The following STYXL1 variants were observed in gnomAD, a reference collection of about 807,000 sequenced individuals.
The protein encoded by STYXL1 is serine/threonine/tyrosine interacting like 1, also known as serine/threonine/tyrosine-interacting-like protein 1.
In STYXL1, 32 loss-of-function variants were observed where a neutral mutation model predicts 36.4. The observed-to-expected ratio is 0.88, with a 90% CI of 0.66 to 1.18. STYXL1 has a LOEUF of 1.18. Among genes scored for constraint, STYXL1 ranks in the 50% most tolerant of loss-of-function variants. The probability of loss-of-function intolerance (pLI) is 0.00; values close to 1 mark genes in which losing one functional copy is unlikely to be tolerated. For synonymous variants in STYXL1, 133 were observed against 144.1 expected (o/e 0.92, Z 0.55); for missense variants, 354 against 394.1 (o/e 0.90, Z 0.86).
At chr7:76,031,730 T>A (rs60371757) in intron 1 of STYXL1, among the ~76,000 whole-genome samples, 23,328 of 141,236 alleles carry the variant, frequency 0.17, 2,308 homozygotes, top group East Asian at 0.29. Context: ...AAAAAAAAAA[T>A]GTGTAGTGAA....
chr7:76,003,975 T>C (rs781799415), intron 6 of STYXL1, 120 bp from the exon 7 acceptor site: 12 of 811,318 alleles, frequency 1.5e-5, no homozygotes, highest in East Asian at 5.4e-5. Flanking sequence ...TAAGGGGGAA[T>C]GTGCACAGGT....
intron 1 of STYXL1, among the ~76,000 whole-genome samples, chr7:76,042,712 G>T (rs1204220507): frequency 6.6e-6 from 1 of 151,944 alleles, no homozygotes; most frequent in Non-Finnish European, 1.5e-5. Context: ...CGGCCCTTAT[G>T]TGCTTTTCTC....
intron 4 of STYXL1, among the ~76,000 whole-genome samples, chr7:76,016,340 A>G (rs1273481870): frequency 1.3e-5 from 2 of 151,472 alleles, no homozygotes; most frequent in Non-Finnish European, 2.9e-5. Flanking sequence ...GTGTGTATAT[A>G]TACACGTATA....
At chr7:76,008,826 T>C (rs1489592916) in intron 5 of STYXL1, among the ~76,000 whole-genome samples, 1 of 152,024 alleles carries the variant, frequency 6.6e-6, no homozygotes, top group African/African-American at 2.4e-5. Context: ...GCCAACATAG[T>C]GAAACCCCAT....
rs150880228 is a variant in STYXL1, at chr7:76,016,358, G to A, written c.308-2471C>T. 1.8e-3 allele frequency among the ~76,000 whole-genome samples: 264 copies of A among 148,198 alleles called. 2 individuals are homozygous for A. The highest frequency in any genetic ancestry group is 0.014 in the Middle Eastern group (4 of 284). On this transcript the variant is annotated intron_variant, in intron 4 of 8. Transcript: ENST00000359697. The stretch of plus-strand genomic sequence containing the variant: ...TGTATATATACACGTATATCTATAC[G>A]TATGTGTGCACATATATAGCGTATA...
chr7:76,016,025 A>C (rs148332652), intron 4 of STYXL1, among the ~76,000 whole-genome samples: 1,564 of 152,216 alleles, frequency 0.01, 10 homozygotes, highest in Non-Finnish European at 0.017. Flanking sequence ...CAGACAGCCT[A>C]TTGTGGGACC....
At chr7:76,004,947 G>A (rs1189538828) in intron 6 of STYXL1, among the ~76,000 whole-genome samples, 2 of 152,140 alleles carry the variant, frequency 1.3e-5, no homozygotes, top group Non-Finnish European at 2.9e-5. Flanking sequence ...CTTGCAGTGA[G>A]CCGAGATTGT....
intron 5 of STYXL1, among the ~76,000 whole-genome samples, chr7:76,012,211 A>G (rs1554572401): frequency 6.6e-6 from 1 of 152,094 alleles, no homozygotes; most frequent in African/African-American, 2.4e-5. Flanking sequence ...AGATCAAGCA[A>G]TCCTCCTGCC....
intron 1 of STYXL1, among the ~76,000 whole-genome samples, chr7:76,040,105 G>A (rs1554581848): frequency 6.6e-6 from 1 of 152,156 alleles, no homozygotes; most frequent in African/African-American, 2.4e-5. Flanking sequence ...TAGTGGTCCT[G>A]TAAGGGTAAC....
At chr7:76,045,859 A>G (rs1454055722) in intron 1 of STYXL1, 1 of 152,146 alleles carries the variant, frequency 6.6e-6, no homozygotes, top group East Asian at 1.9e-4. Context: ...AGGCCCTTTC[A>G]GCCCAGTCGC....
In STYXL1 at chr7:76,041,873, G is replaced by A. The variant is rs535065210; in HGVS notation, c.-5+5789C>T. Among the ~76,000 whole-genome samples, 38 of 152,352 alleles carry A rather than the reference G, an allele frequency of 2.5e-4. No individual in the cohort carries two copies. In the South Asian group the frequency reaches 6.8e-3, roughly 27 times the overall value. The stretch of plus-strand genomic sequence containing the variant: ...TTGGCAGATGAATGGAAAGGAGCAT[G>A]AGAGAACTTTCTGGAATAATGGCAA... On this transcript the variant is annotated intron_variant, in intron 1 of 8. Coordinates refer to ENST00000359697, the MANE Select transcript of STYXL1 (RefSeq NM_001317785.2).
At chr7:76,046,026 C>T (rs1423348485) in intron 1 of STYXL1, 1 of 152,172 alleles carries the variant, frequency 6.6e-6, no homozygotes, top group Non-Finnish European at 1.5e-5. Flanking sequence ...CCTAATGTCC[C>T]CACTCCAAAA....
intron 5 of STYXL1, among the ~76,000 whole-genome samples, chr7:76,008,955 T>C (rs902344060): frequency 3.9e-5 from 6 of 152,116 alleles, no homozygotes; most frequent in Non-Finnish European, 7.4e-5. Context: ...TAAGCCCAGA[T>C]TGTACCACTG....
In STYXL1 at chr7:76,047,959, G is replaced by A. The variant is rs1265643751; in HGVS notation, c.-302C>T. On this transcript the variant is annotated 5_prime_UTR_variant, in exon 1 of 9. Transcript: ENST00000359697. ...TAGAACCCAGCCAAACACCGGGGTT[G>A]CCAGGATGGTCCCACAGCTTTCCTT... The A allele has an allele frequency of 3.4e-6, 5 of 1,459,610 alleles. No individual in the cohort carries two copies. The highest frequency in any genetic ancestry group is 1.4e-5 in the African/African-American group (1 of 70,858). The allele number at this position is 1,459,610 out of a possible 1,614,324, so 90.4% of individuals were successfully genotyped here.
In STYXL1 at chr7:76,027,614, A is replaced by G. The variant is rs28593431; in HGVS notation, c.165+1028T>C. 4.9e-3 allele frequency among the ~76,000 whole-genome samples: 740 copies of G among 152,226 alleles called. 7 individuals carry two copies. The highest frequency in any genetic ancestry group is 0.017 in the African/African-American group (706 of 41,522). ...GGTGACAGAGCAAGACCCTGTCCCT[A>G]AAAATTTACAACATAAAGCTCCAAA... is the stretch of plus-strand genomic sequence containing the variant. On this transcript the variant is annotated intron_variant, in intron 3 of 8. Coordinates refer to ENST00000359697, the MANE Select transcript of STYXL1 (RefSeq NM_001317785.2).
chr7:76,014,521 T>C (rs782312533), intron 4 of STYXL1, among the ~76,000 whole-genome samples: 2 of 151,638 alleles, frequency 1.3e-5, no homozygotes, highest in Non-Finnish European at 2.9e-5. Context: ...CTGGCTAAAT[T>C]TTGTATTGTT....
At chr7:76,000,517 C>A in intron 8 of STYXL1, 1 of 462,742 alleles carries the variant, frequency 2.2e-6, no homozygotes, top group South Asian at 1.5e-5. Flanking sequence ...TTCTCTGGAC[C>A]CTGCGCCCAA....
intron 8 of STYXL1, among the ~76,000 whole-genome samples, chr7:76,000,143 A>T (rs904081521): frequency 1.8e-4 from 27 of 150,720 alleles, no homozygotes; most frequent in African/African-American, 6.4e-4. Context: ...GTGGAGGTTC[A>T]AGAATCGCTT....
chr7:76,044,867 C>A (rs1299558258), intron 1 of STYXL1: 1 of 152,042 alleles, frequency 6.6e-6, no homozygotes, highest in African/African-American at 2.4e-5. Flanking sequence ...AGAGAATTTT[C>A]GTACTTTTTG....
Sources: gnomAD v4.1 joint callset for allele counts (sites outside exome capture counted in the v4.1 genomes callset) on GRCh38, gnomAD v4.1.1 for gene constraint, MANE v1.5 for transcripts, NCBI Gene and HGNC (gene_info 2026-07-23, HGNC 2026-07-21) for gene names.